The following ZDHHC4 variants were observed in gnomAD, a reference collection of about 807,000 sequenced individuals.
ZDHHC4 encodes the protein zDHHC palmitoyltransferase 4, also known as palmitoyltransferase ZDHHC4.
ZDHHC4 carries 42 observed loss-of-function variants against 36.7 expected under a neutral mutation model. The ratio of observed to expected loss-of-function variants is 1.14; its 90% CI spans 0.89 to 1.48. The LOEUF (loss-of-function observed/expected upper bound fraction) is 1.48, where lower values mean the gene tolerates loss of function less well. Among genes scored for constraint, ZDHHC4 ranks in the 40% most tolerant of loss-of-function variants. The probability of loss-of-function intolerance (pLI) is 0.00; values close to 1 mark genes in which losing one functional copy is unlikely to be tolerated. For synonymous variants in ZDHHC4, 189 were observed against 166.6 expected (o/e 1.13, Z -1.03); for missense variants, 457 against 421.5 (o/e 1.08, Z -0.74).
intron 3 of ZDHHC4, among the ~76,000 whole-genome samples, chr7:6,581,278 A>T (rs770372181): frequency 7.2e-5 from 11 of 152,304 alleles, no homozygotes; most frequent in Admixed American, 1.3e-4. Context: ...CTGGGTGTGG[A>T]TGCTGGAACC....
Position 6,588,675 on chromosome 7 carries a change from G to A in ZDHHC4, c.800G>A (p.Ser267Asn), listed in dbSNP as rs1479298594. ...VFMLGFVVVLSFLLGGYLLFV... is the reference protein window; with the variant it reads ...VFMLGFVVVLNFLLGGYLLFV... ...ATGCTGGGCTTTGTCGTGGTTCTGA[G>A]CTTCCTCCTGGGTGGCTACCTGTTG... is the stretch of plus-strand genomic sequence containing the variant. The change falls in exon 8 of 8, where the codon AGC becomes AAC. Residue 267 changes from serine (S) to asparagine (N), a missense_variant. By Grantham distance (46) the Ser-to-Asn change is conservative (BLOSUM62 1). Coordinates refer to ENST00000335965, the MANE Select transcript of ZDHHC4 (RefSeq NM_001134389.2). The A allele has an allele frequency of 1.9e-6, 3 of 1,614,190 alleles. No individual in the cohort carries two copies. The highest frequency in any genetic ancestry group is 2.5e-6 in the Non-Finnish European group (3 of 1,180,032).
chr7:6,584,863 A>G, intron 6 of ZDHHC4, 153 bp from the exon 7 acceptor site: 1 of 1,130,696 alleles, frequency 8.8e-7, no homozygotes, highest in Non-Finnish European at 1.2e-6. Context: ...TGTACTGGAC[A>G]CCACAGTTCC....
At chr7:6,584,817 G>A (rs1489808067) in intron 6 of ZDHHC4, 199 bp from the exon 7 acceptor site, 3 of 664,900 alleles carry the variant, frequency 4.5e-6, no homozygotes, top group Non-Finnish European at 7.5e-6. Flanking sequence ...TAGTCAGATT[G>A]CAAGTGCTCA....
intron 2 of ZDHHC4, among the ~76,000 whole-genome samples, chr7:6,579,147 C>CCT (rs1554281108): frequency 6.8e-6 from 1 of 148,072 alleles, no homozygotes; most frequent in East Asian, 2.0e-4. Flanking sequence ...TTTTTTTCTT[C>CCT]TTTTTTTTTC....
intron 3 of ZDHHC4, 91 bp downstream of exon 3, chr7:6,580,769 C>T (rs946857512): frequency 2.4e-6 from 3 of 1,273,762 alleles, no homozygotes; most frequent in Non-Finnish European, 3.4e-6. Context: ...AAAGAGATGC[C>T]AGGCCGGGTG....
chr7:6,582,000 T>C, intron 4 of ZDHHC4, 73 bp from the exon 5 acceptor site: 1 of 1,481,344 alleles, frequency 6.8e-7, no homozygotes, highest in Non-Finnish European at 9.1e-7. Context: ...TGGCCGTTGG[T>C]TACTTTCTTT....
At chr7:6,587,109 A>G (rs1183901141) in intron 7 of ZDHHC4, among the ~76,000 whole-genome samples, 1 of 150,452 alleles carries the variant, frequency 6.6e-6, no homozygotes, top group East Asian at 2.0e-4. Context: ...CAGTGGTACC[A>G]TCACAGCTCA....
intron 7 of ZDHHC4, among the ~76,000 whole-genome samples, chr7:6,587,806 G>A (rs2115195960): frequency 6.6e-6 from 1 of 152,294 alleles, no homozygotes; most frequent in South Asian, 2.1e-4. Flanking sequence ...GATCACTCAA[G>A]GCCAGGAGTT....
intron 6 of ZDHHC4, among the ~76,000 whole-genome samples, chr7:6,584,473 A>G (rs1781084449): frequency 6.6e-6 from 1 of 152,216 alleles, no homozygotes; most frequent in Admixed American, 6.5e-5. Context: ...AATCAGAAGA[A>G]TTGACTTTAA....
rs1438313949 is a variant in ZDHHC4, at chr7:6,577,493, C to G, written c.-168C>G. 1 of 152,204 alleles carries G rather than the reference C, an allele frequency of 6.6e-6. No homozygotes were observed. The highest frequency in any genetic ancestry group is 1.5e-5 in the Non-Finnish European group (1 of 68,034). The allele number at this position is 152,204 out of a possible 1,614,324, so 9.4% of individuals were successfully genotyped here. A position where few individuals can be genotyped will look rare whatever the true frequency, so the allele number is the denominator to read the frequency against. On this transcript the variant is annotated 5_prime_UTR_variant, in exon 1 of 8. Coordinates refer to ENST00000335965, the MANE Select transcript of ZDHHC4 (RefSeq NM_001134389.2). ...CCCGGGAGGCGCCGGAGCCCAGCGG[C>G]TGGCGGTAAGGCCGCCTCCGCGGGG...
Position 6,588,613 on chromosome 7 carries a change from C to T in ZDHHC4, c.742-4C>T, listed in dbSNP as rs573970820. ...CTAAAGCACTACCTTTTCTCTGCTC[C>T]TAGTACCTGTTCCTGACTTTTCCAC... On this transcript the variant is annotated splice_region_variant and splice_polypyrimidine_tract_variant and intron_variant, in intron 7 of 7. Transcript: ENST00000335965. 3.1e-6 allele frequency: 5 copies of T among 1,613,870 alleles called. No homozygotes were observed. The East Asian group carries it at 1.1e-4, about 36-fold the overall frequency.
At chr7:6,581,184 T>G in intron 3 of ZDHHC4, 1 of 239,196 alleles carries the variant, frequency 4.2e-6, no homozygotes, top group Non-Finnish European at 8.2e-6. Flanking sequence ...CCCCCCTCCT[T>G]CAGGGATCAA....
intron 6 of ZDHHC4, among the ~76,000 whole-genome samples, chr7:6,584,565 G>T (rs1382947324): frequency 6.6e-6 from 1 of 152,150 alleles, no homozygotes; most frequent in East Asian, 1.9e-4. Flanking sequence ...TATTCACACT[G>T]AATTCAAAGG....
At chr7:6,581,558 G>A in intron 3 of ZDHHC4, 49 bp from the exon 4 acceptor site, 1 of 1,431,918 alleles carries the variant, frequency 7.0e-7, no homozygotes, top group Non-Finnish European at 9.8e-7. Context: ...GTTTGGGAGT[G>A]GAGGAAGTGA....
chr7:6,588,635 C>T lies in ZDHHC4; in HGVS notation c.760C>T (p.Pro254Ser), dbSNP rs976844091. 3.1e-6 allele frequency: 5 copies of T among 1,614,162 alleles called. No individual in the cohort carries two copies. Among genetic ancestry groups the T allele is most frequent in the Non-Finnish European group, 4.2e-6 (5 of 1,180,022 alleles). ...FLIQYLFLTF[P>S]RIVFMLGFVV... The stretch of plus-strand genomic sequence containing the variant: ...CTCCTAGTACCTGTTCCTGACTTTT[C>T]CACGGATTGTCTTCATGCTGGGCTT... The change falls in exon 8 of 8, where the codon CCA (proline) becomes TCA (serine). Residue 254 changes from proline to serine, a missense_variant. Coordinates refer to ENST00000335965, the MANE Select transcript of ZDHHC4 (RefSeq NM_001134389.2).
At chr7:6,582,737 C>T (rs1453350564) in intron 5 of ZDHHC4, among the ~76,000 whole-genome samples, 8 of 151,974 alleles carry the variant, frequency 5.3e-5, no homozygotes, top group Admixed American at 4.6e-4. Flanking sequence ...AGGCTGGTCT[C>T]GAACTCCTGA....
intron 7 of ZDHHC4, among the ~76,000 whole-genome samples, chr7:6,587,661 A>T (rs553053614): frequency 6.6e-6 from 1 of 152,094 alleles, no homozygotes; most frequent in Middle Eastern, 3.2e-3. Flanking sequence ...ATCATTTTTC[A>T]TGGCTCCTCG....
intron 7 of ZDHHC4, among the ~76,000 whole-genome samples, chr7:6,587,456 C>T (rs1258525471): frequency 1.3e-5 from 2 of 152,162 alleles, no homozygotes; most frequent in African/African-American, 4.8e-5. Flanking sequence ...AAATATTAAA[C>T]TTTCTAAATT....
intron 7 of ZDHHC4, among the ~76,000 whole-genome samples, chr7:6,588,229 C>A (rs2115200584): frequency 6.6e-6 from 1 of 152,330 alleles, no homozygotes; most frequent in Admixed American, 6.5e-5. Flanking sequence ...ATCAATGATA[C>A]AACGAATATC....
Sources: gnomAD v4.1 joint callset for allele counts (sites outside exome capture counted in the v4.1 genomes callset) on GRCh38, gnomAD v4.1.1 for gene constraint, MANE v1.5 for transcripts, NCBI Gene and HGNC (gene_info 2026-07-23, HGNC 2026-07-21) for gene names.